RTN4: variants seen among roughly 807,000 people sequenced by gnomAD.
RTN4 encodes reticulon 4.
A neutral mutation model predicts 90.4 loss-of-function variants in RTN4; 32 were observed. The ratio of observed to expected loss-of-function variants is 0.35; its 90% confidence interval spans 0.27 to 0.48. The LOEUF is 0.48. Among genes scored for constraint, RTN4 ranks in the 20% least tolerant of loss-of-function variants. The probability of loss-of-function intolerance (pLI) is 0.99; values close to 1 mark genes in which losing one functional copy is unlikely to be tolerated. For missense variants in RTN4, 1,706 were observed against 1,430.2 expected, an observed-to-expected ratio of 1.19 and a Z score of -3.11; for synonymous variants, 629 against 552.5, an observed-to-expected ratio of 1.14 and a Z score of -1.94.
chr2:55,070,563 A>AAAAG lies in RTN4; in HGVS notation c.-63+9922_-63+9925dup, dbSNP rs1184353401. ...TCTGTCTCAAAAAAAAAAAAAAAAA[A>AAAAG]AAAGAAAGAAAGAAAGAAAAATAAA... is the stretch of plus-strand genomic sequence containing the variant. On this transcript the variant is annotated intron_variant, in intron 2 of 3. Coordinates refer to the RTN4 transcript ENST00000427710. Among the ~76,000 whole-genome samples, 60 of 148,580 alleles carry AAAAG rather than the reference A, an allele frequency of 4.0e-4. 2 individuals carry two copies. Among genetic ancestry groups the AAAAG allele is most frequent in the East Asian group, 1.2e-3 (6 of 5,140 alleles).
intron 6 of RTN4, 144 bp downstream of exon 6, chr2:54,974,551 G>A (rs570790958): frequency 6.8e-4 from 464 of 679,074 alleles, no homozygotes; most frequent in Non-Finnish European, 1.1e-3. Context: ...AAAGTGCTGG[G>A]ATTACAGGCA....
At chr2:54,991,890 C>A (rs1020643547) in intron 3 of RTN4, among the ~76,000 whole-genome samples, 2 of 152,130 alleles carry the variant, frequency 1.3e-5, no homozygotes, top group South Asian at 4.1e-4. Flanking sequence ...ATTATGGCAA[C>A]TGTATGAGAG....
At chr2:55,099,660 G>T (rs1053148907) in intron 1 of RTN4, among the ~76,000 whole-genome samples, 2 of 152,066 alleles carry the variant, frequency 1.3e-5, no homozygotes, top group African/African-American at 4.8e-5. Flanking sequence ...GTGGCTAAAA[G>T]TGCAGGTGCC....
the RTN4 span, among the ~76,000 whole-genome samples, chr2:55,121,995 CTTTTTTCTTT>C: frequency 6.6e-6 from 1 of 151,932 alleles, no homozygotes; most frequent in South Asian, 2.1e-4. Context: ...TCTGTATTTT[CTTTTTTCTTT>C]TTTTTTCTTT....
At chr2:55,040,986 TAA>T (rs1360296640) in intron 1 of RTN4, among the ~76,000 whole-genome samples, 1 of 126,374 alleles carries the variant, frequency 7.9e-6, no homozygotes, top group Non-Finnish European at 1.7e-5. Flanking sequence ...GCCACCTATG[TAA>T]AGAGACTGCT....
chr2:54,986,214 A>G (rs1318294705), intron 4 of RTN4, among the ~76,000 whole-genome samples: 1 of 152,150 alleles, frequency 6.6e-6, no homozygotes, highest in Admixed American at 6.5e-5. Context: ...TTTTCTCTTT[A>G]GAAAAAAAGT....
chr2:55,068,957 C>G (rs1021485601), intron 2 of RTN4, among the ~76,000 whole-genome samples: 1 of 152,198 alleles, frequency 6.6e-6, no homozygotes, highest in Non-Finnish European at 1.5e-5. Flanking sequence ...ACTTTAAAGC[C>G]ACTGCCTTGA....
At chr2:54,986,185 G>C (rs905482562) in intron 4 of RTN4, among the ~76,000 whole-genome samples, 1 of 152,092 alleles carries the variant, frequency 6.6e-6, no homozygotes, top group East Asian at 1.9e-4. Context: ...TAGAGGGCCG[G>C]TGCATTTTCT....
chr2:55,120,803 G>C, the RTN4 span, among the ~76,000 whole-genome samples: 7 of 152,168 alleles, frequency 4.6e-5, no homozygotes, highest in East Asian at 9.7e-4. Context: ...TGGGTGGAAA[G>C]CTTATTTATT....
chr2:55,018,400 G>C (rs1306387207), intron 3 of RTN4, among the ~76,000 whole-genome samples: 1 of 152,130 alleles, frequency 6.6e-6, no homozygotes, highest in Non-Finnish European at 1.5e-5. Flanking sequence ...AGTGGGAGAA[G>C]GACGCAGGAA....
At chr2:55,036,020 T>G (rs2104915127) in intron 1 of RTN4, among the ~76,000 whole-genome samples, 1 of 152,232 alleles carries the variant, frequency 6.6e-6, no homozygotes, top group South Asian at 2.1e-4. Flanking sequence ...AGAAAACTAA[T>G]ATAAAACATC....
rs756430039 is a variant in RTN4, at chr2:55,026,268, A to G, written c.1831T>C (p.Leu611=). The change falls in exon 3 of 9, where the codon TTG becomes CTG. Residue 611 remains leucine, a synonymous_variant. Coordinates refer to ENST00000337526, the MANE Select transcript of RTN4 (RefSeq NM_020532.5). ...EESEATPSPV[L]PDIVMEAPLN... is the part of the protein sequence containing the mutation. ...GGTGCTTCCATAACAATGTCAGGCA[A>G]AACTGGTGAAGGAGTAGCTTCTGAC... 2 of 1,613,940 alleles carry G rather than the reference A, an allele frequency of 1.2e-6. No homozygotes were observed. The highest frequency in any genetic ancestry group is 1.7e-6 in the Non-Finnish European group (2 of 1,179,920).
chr2:54,973,583 ATTC>A lies in RTN4; in HGVS notation c.3513_3515del (p.Lys1171del). On this transcript the variant is annotated inframe_deletion, in exon 8 of 9. Coordinates refer to ENST00000337526, the MANE Select transcript of RTN4 (RefSeq NM_020532.5). The stretch of plus-strand genomic sequence containing the variant: ...CTTACTTAGCCATAGCATCTTTAAC[ATTC>A]TTATTTGCAAGTCCTAGATAATGAT... 6.2e-7 allele frequency: 1 copy of A among 1,609,956 alleles called. No homozygotes were observed.
chr2:54,986,255 T>A (rs1460207956), intron 4 of RTN4, among the ~76,000 whole-genome samples: 1 of 152,202 alleles, frequency 6.6e-6, no homozygotes, highest in African/African-American at 2.4e-5. Flanking sequence ...TCGGACATCA[T>A]CTGTAAGAAC....
chr2:55,122,258 C>T, the RTN4 span, among the ~76,000 whole-genome samples: 2 of 152,194 alleles, frequency 1.3e-5, no homozygotes, highest in African/African-American at 2.4e-5. Flanking sequence ...GGATTATAGG[C>T]ATGAGCCACT....
At chr2:54,978,499 ATT>A (rs1677852273) in intron 5 of RTN4, among the ~76,000 whole-genome samples, 2 of 151,804 alleles carry the variant, frequency 1.3e-5, no homozygotes, top group Admixed American at 1.3e-4. Flanking sequence ...GTAGATATAA[ATT>A]TGAGGGCACA....
intron 1 of RTN4, among the ~76,000 whole-genome samples, chr2:55,102,077 G>T (rs1667862673): frequency 6.6e-6 from 1 of 152,062 alleles, no homozygotes; most frequent in Non-Finnish European, 1.5e-5. Flanking sequence ...AAGTTAACAA[G>T]TCCATTTTTA....
At chr2:55,012,390 T>A (rs905523314) in intron 3 of RTN4, among the ~76,000 whole-genome samples, 1 of 151,622 alleles carries the variant, frequency 6.6e-6, no homozygotes. Context: ...TTAATTTTTA[T>A]GGTCTTTGTA....
At chr2:55,068,529 A>G (rs1486790968) in intron 2 of RTN4, among the ~76,000 whole-genome samples, 1 of 152,098 alleles carries the variant, frequency 6.6e-6, no homozygotes, top group Non-Finnish European at 1.5e-5. Context: ...TTTATCTTTA[A>G]TAAACTACTG....
Sources: gnomAD v4.1 joint callset for allele counts (sites outside exome capture counted in the v4.1 genomes callset) on GRCh38, gnomAD v4.1.1 for gene constraint, MANE v1.5 for transcripts, NCBI Gene and HGNC (gene_info 2026-07-23, HGNC 2026-07-21) for gene names.